Variants in SCIN observed in about 807,000 individuals in gnomAD.
SCIN encodes adseverin.
In SCIN, 91 loss-of-function variants were observed where a neutral mutation model predicts 91.8. That is an observed-to-expected ratio of 0.99 (90% CI 0.84 to 1.18). The LOEUF is 1.18. Among genes scored for constraint, SCIN ranks in the 50% most tolerant of loss-of-function variants. SCIN has a pLI of 0.00. For synonymous variants in SCIN, 367 were observed against 312.6 expected, an observed-to-expected ratio of 1.17 and a Z score of -1.84; for missense variants, 1,087 against 863.9, an observed-to-expected ratio of 1.26 and a Z score of -3.24.
At chr7:12,609,730 T>C (rs1465693650) in intron 4 of SCIN, among the ~76,000 whole-genome samples, 1 of 152,176 alleles carries the variant, frequency 6.6e-6, no homozygotes, top group East Asian at 1.9e-4. Context: ...ATGCTGGTGG[T>C]GAAATACTGG....
At chr7:12,590,847 T>G (rs1311332043) in intron 3 of SCIN, among the ~76,000 whole-genome samples, 1 of 152,100 alleles carries the variant, frequency 6.6e-6, no homozygotes, top group African/African-American at 2.4e-5. Context: ...GAGTCCTCTC[T>G]TTTGCCAGAT....
chr7:12,576,001 A>T (rs1414711725), intron 1 of SCIN, among the ~76,000 whole-genome samples: 9 of 152,142 alleles, frequency 5.9e-5, no homozygotes. Context: ...AATTTAATTA[A>T]CTTACTTTCA....
At chr7:12,604,384 A>G in intron 3 of SCIN, 130 bp from the exon 4 acceptor site, 1 of 745,568 alleles carries the variant, frequency 1.3e-6, no homozygotes, top group African/African-American at 1.8e-5. Flanking sequence ...AAGTGTAACA[A>G]TTATGTATAT....
chr7:12,602,052 T>C lies in SCIN; in HGVS notation c.517-2462T>C, dbSNP rs150197665. Among the ~76,000 whole-genome samples the C allele has an allele frequency of 1.6e-4, 24 of 152,254 alleles. No homozygotes were observed. In the East Asian group the frequency reaches 4.6e-3, roughly 29 times the overall value. On this transcript the variant is annotated intron_variant, in intron 3 of 15. Coordinates refer to ENST00000297029, the MANE Select transcript of SCIN (RefSeq NM_001112706.3). ...TAAGCCCCAGGTTGGGAGCCAGATA[T>C]CGGCGGAACCCGCTCCCAATGTTTC...
intron 10 of SCIN, 82 bp downstream of exon 10, chr7:12,636,217 G>T: frequency 1.0e-6 from 1 of 956,276 alleles, no homozygotes; most frequent in East Asian, 2.7e-5. Context: ...CTCCCAAGTT[G>T]GGATAGAAAT....
rs1784192334 is a variant in SCIN at position 12,657,572 on chromosome 7, A to ATTTATATATATTTTTTTTTT, written c.*4860_*4861insATATATATTTTTTTTTTTTT. 4.5e-5 allele frequency: 1 copy of ATTTATATATATTTTTTTTTT among 22,080 alleles called. No individual in the cohort carries two copies. The highest frequency in any genetic ancestry group is 8.1e-5 in the African/African-American group (1 of 12,376). The allele number at this position is 22,080 out of a possible 1,614,324, so 1.4% of individuals were successfully genotyped here. ...TATATATATATATATATATATATAT[A>ATTTATATATATTTTTTTTTT]TTTTTTTTTTTTTTTTTTTTTTTTT... On this transcript the variant is annotated 3_prime_UTR_variant, in exon 16 of 16. Coordinates refer to ENST00000297029, the MANE Select transcript of SCIN (RefSeq NM_001112706.3).
At chr7:12,625,475 C>A (rs1783498234) in intron 6 of SCIN, among the ~76,000 whole-genome samples, 1 of 131,866 alleles carries the variant, frequency 7.6e-6, no homozygotes, top group East Asian at 2.2e-4. Context: ...TGGAGTGCAG[C>A]CCGCCACCAC....
intron 12 of SCIN, 44 bp downstream of exon 12, chr7:12,644,359 A>C: frequency 6.5e-7 from 1 of 1,527,212 alleles, no homozygotes; most frequent in Non-Finnish European, 8.8e-7. Context: ...ATTTATACTG[A>C]TACGATTGCT....
chr7:12,607,998 A>T (rs1406612372), intron 4 of SCIN, among the ~76,000 whole-genome samples: 2 of 152,208 alleles, frequency 1.3e-5, no homozygotes, highest in African/African-American at 4.8e-5. Context: ...GAGTAGCAGG[A>T]ACAGTACTGT....
intron 3 of SCIN, among the ~76,000 whole-genome samples, chr7:12,586,342 C>G (rs1782586084): frequency 6.6e-6 from 1 of 152,086 alleles, no homozygotes; most frequent in African/African-American, 2.4e-5. Flanking sequence ...CTGAACATCA[C>G]TAATTATCAG....
intron 14 of SCIN, 110 bp downstream of exon 14, chr7:12,649,654 C>A (rs1372023808): frequency 1.7e-6 from 1 of 580,328 alleles, no homozygotes; most frequent in South Asian, 3.5e-5. Flanking sequence ...GAGATTTAGG[C>A]TGTATTTAAA....
Position 12,644,602 on chromosome 7 carries a change from T to C in SCIN, c.1778T>C (p.Leu593Pro), listed in dbSNP as rs775694647. ...GEEPEEFWNS[L>P]GGKKDYQTSP... The stretch of plus-strand genomic sequence containing the variant: ...TCCACAGAGGAGTTCTGGAATTCCC[T>C]TGGAGGGAAAAAAGACTACCAGACC... Residue 593 changes from leucine (L) to proline (P), a missense_variant, in exon 13 of 16, where the codon CTT (leucine) becomes CCT (proline). Leu to Pro is a moderately conservative substitution (Grantham distance 98). Coordinates refer to ENST00000297029, the MANE Select transcript of SCIN (RefSeq NM_001112706.3). The C allele has an allele frequency of 6.2e-7, 1 of 1,610,948 alleles. No homozygotes were observed. The highest frequency in any genetic ancestry group is 8.5e-7 in the Non-Finnish European group (1 of 1,178,578).
chr7:12,584,471 A>G (rs919415288), intron 3 of SCIN, among the ~76,000 whole-genome samples: 1 of 152,226 alleles, frequency 6.6e-6, no homozygotes, highest in South Asian at 2.1e-4. Context: ...TTAATATGTT[A>G]TTCCATATTG....
intron 9 of SCIN, among the ~76,000 whole-genome samples, chr7:12,633,683 TA>T (rs1245058254): frequency 6.6e-6 from 1 of 152,176 alleles, no homozygotes; most frequent in East Asian, 1.9e-4. Flanking sequence ...CCCTCCAGAA[TA>T]AAAGCAAAAT....
intron 3 of SCIN, among the ~76,000 whole-genome samples, chr7:12,596,691 T>C (rs977492689): frequency 3.5e-4 from 54 of 152,278 alleles, no homozygotes; most frequent in African/African-American, 1.3e-3. Flanking sequence ...GTAAGCTTTT[T>C]TTTTTTTGGT....
chr7:12,592,027 T>C (rs1034614307), intron 3 of SCIN, among the ~76,000 whole-genome samples: 1 of 152,160 alleles, frequency 6.6e-6, no homozygotes, highest in Non-Finnish European at 1.5e-5. Flanking sequence ...AAGTAAGGTT[T>C]CGGGCTAGAG....
chr7:12,642,680 T>C (rs561124467), intron 11 of SCIN, among the ~76,000 whole-genome samples: 1 of 151,170 alleles, frequency 6.6e-6, no homozygotes, highest in Admixed American at 6.6e-5. Flanking sequence ...TCTGATCTCA[T>C]TTTTCTCAAC....
intron 11 of SCIN, among the ~76,000 whole-genome samples, chr7:12,641,539 A>G (rs1359453577): frequency 2.0e-5 from 3 of 152,142 alleles, no homozygotes; most frequent in African/African-American, 4.8e-5. Flanking sequence ...GACTTCAGCC[A>G]TTATCTCACT....
intron 8 of SCIN, 125 bp downstream of exon 8, chr7:12,626,924 T>C: frequency 1.3e-6 from 1 of 797,116 alleles, no homozygotes; most frequent in Non-Finnish European, 2.0e-6. Flanking sequence ...ACCCCACCTC[T>C]ACTCAAAATA....
Sources: allele counts gnomAD v4.1 joint callset (sites outside exome capture counted in the v4.1 genomes callset), GRCh38; gene constraint gnomAD v4.1.1; transcripts MANE v1.5; gene names NCBI Gene and HGNC (gene_info 2026-07-23, HGNC 2026-07-21).